The following RBFOX1 variants were observed in gnomAD, a reference collection of about 807,000 sequenced individuals.
RBFOX1 encodes the protein RNA binding protein fox-1 homolog 1.
A neutral mutation model predicts 57.7 loss-of-function variants in RBFOX1; 8 were observed. The observed-to-expected ratio is 0.14, with a 90% CI of 0.08 to 0.25. The LOEUF is 0.25. Among genes scored for constraint, RBFOX1 ranks in the 10% least tolerant of loss-of-function variants. The probability of loss-of-function intolerance (pLI) is 1.00; values close to 1 mark genes in which losing one functional copy is unlikely to be tolerated. For synonymous variants in RBFOX1, 326 were observed against 222.4 expected, an observed-to-expected ratio of 1.47 and a Z score of -4.15; for missense variants, 611 against 548.5, an observed-to-expected ratio of 1.11 and a Z score of -1.14.
chr16:7,687,503 A>G (rs1243387852), intron 14 of RBFOX1, among the ~76,000 whole-genome samples: 1 of 151,848 alleles, frequency 6.6e-6, no homozygotes, highest in African/African-American at 2.4e-5. Context: ...ATGTGAGTCA[A>G]CTCTTTGGTA....
chr16:7,030,514 C>G (rs2042514661), intron 3 of RBFOX1, among the ~76,000 whole-genome samples: 1 of 152,146 alleles, frequency 6.6e-6, no homozygotes, highest in Admixed American at 6.5e-5. Flanking sequence ...TCCAGGCGTT[C>G]CTTGGTTTGT....
At chr16:6,760,560 C>G (rs1230363233) in intron 3 of RBFOX1, among the ~76,000 whole-genome samples, 1 of 152,178 alleles carries the variant, frequency 6.6e-6, no homozygotes, top group Non-Finnish European at 1.5e-5. Context: ...AATTGTTAGT[C>G]TTCTCGACAG....
chr16:6,350,175 G>A (rs1055516981), intron 2 of RBFOX1, among the ~76,000 whole-genome samples: 2 of 151,946 alleles, frequency 1.3e-5, no homozygotes, highest in Non-Finnish European at 2.9e-5. Context: ...GGTGTTTCAC[G>A]CCTGTAATCC....
At chr16:6,895,450 A>G (rs28587278) in intron 3 of RBFOX1, among the ~76,000 whole-genome samples, 4,583 of 38,270 alleles carry the variant, frequency 0.12, 46 homozygotes, top group Non-Finnish European at 0.17. Flanking sequence ...GTGTGTGTGT[A>G]TATATATATA....
chr16:6,513,055 A>T (rs556661350), intron 2 of RBFOX1, among the ~76,000 whole-genome samples: 1 of 152,206 alleles, frequency 6.6e-6, no homozygotes, highest in Admixed American at 6.5e-5. Context: ...ACATCAATCA[A>T]TATGGCACAG....
At chr16:5,612,734 A>G (rs924891472) in intron 3 of RBFOX1, among the ~76,000 whole-genome samples, 12 of 152,218 alleles carry the variant, frequency 7.9e-5, no homozygotes, top group African/African-American at 2.7e-4. Flanking sequence ...AGATAGCCAG[A>G]GTAGCTGGAG....
chr16:7,585,801 C>G (rs1453358558), intron 6 of RBFOX1, among the ~76,000 whole-genome samples: 1 of 152,230 alleles, frequency 6.6e-6, no homozygotes, highest in East Asian at 1.9e-4. Context: ...GTTAGTAGGA[C>G]CCTCTTGACA....
chr16:5,468,558 C>T (rs774204198), intron 2 of RBFOX1, among the ~76,000 whole-genome samples: 4 of 152,288 alleles, frequency 2.6e-5, no homozygotes, highest in Admixed American at 6.5e-5. Flanking sequence ...TACATATATA[C>T]CCCAAATTGC....
intron 4 of RBFOX1, among the ~76,000 whole-genome samples, chr16:7,097,475 T>C (rs1463070362): frequency 1.3e-5 from 2 of 152,076 alleles, no homozygotes; most frequent in African/African-American, 2.4e-5. Flanking sequence ...AGGAGGACAG[T>C]AAGAGAGTGA....
At chr16:6,201,424 G>A (rs2097214436) in intron 1 of RBFOX1, among the ~76,000 whole-genome samples, 1 of 152,134 alleles carries the variant, frequency 6.6e-6, no homozygotes, top group African/African-American at 2.4e-5. Context: ...CTCAACAACA[G>A]CGTATAAGGA....
intron 4 of RBFOX1, among the ~76,000 whole-genome samples, chr16:7,400,047 T>G (rs560947942): frequency 6.6e-5 from 10 of 152,300 alleles, no homozygotes; most frequent in African/African-American, 2.4e-4. Context: ...TCTGATTTAT[T>G]GATGAGAAAA....
intron 3 of RBFOX1, among the ~76,000 whole-genome samples, chr16:5,715,837 G>C (rs1320761958): frequency 1.3e-5 from 2 of 152,192 alleles, no homozygotes; most frequent in Non-Finnish European, 2.9e-5. Flanking sequence ...AGCGAGAGAA[G>C]GGGGTTTAAT....
At chr16:7,297,676 T>C (rs2095926646) in intron 4 of RBFOX1, among the ~76,000 whole-genome samples, 1 of 152,152 alleles carries the variant, frequency 6.6e-6, no homozygotes, top group Non-Finnish European at 1.5e-5. Context: ...CCTGGGGTCT[T>C]TATAATAACA....
intron 4 of RBFOX1, among the ~76,000 whole-genome samples, chr16:7,217,192 C>T (rs2092247868): frequency 6.6e-6 from 1 of 151,320 alleles, no homozygotes; most frequent in African/African-American, 2.4e-5. Flanking sequence ...GCAACCTCCG[C>T]CTTCCGGATT....
chr16:6,579,926 G>A (rs750543935), intron 2 of RBFOX1, among the ~76,000 whole-genome samples: 3 of 151,942 alleles, frequency 2.0e-5, no homozygotes, highest in African/African-American at 7.3e-5. Flanking sequence ...CTATGTATAG[G>A]TTCATGGACC....
At chr16:6,331,568 ATGTG>A (rs200158384) in intron 2 of RBFOX1, among the ~76,000 whole-genome samples, 15 of 145,368 alleles carry the variant, frequency 1.0e-4, no homozygotes, top group Non-Finnish European at 1.8e-4. Context: ...TGTATATAAT[ATGTG>A]TGTGTGTATA....
intron 11 of RBFOX1, among the ~76,000 whole-genome samples, chr16:7,644,525 C>A (rs377431271): frequency 6.6e-6 from 1 of 152,184 alleles, no homozygotes; most frequent in Non-Finnish European, 1.5e-5. Flanking sequence ...GCATCCCTCA[C>A]AGGCCGCTCC....
intron 1 of RBFOX1, among the ~76,000 whole-genome samples, chr16:6,304,578 G>C (rs965935033): frequency 6.6e-6 from 1 of 152,018 alleles, no homozygotes; most frequent in South Asian, 2.1e-4. Flanking sequence ...GAGGGGAGAC[G>C]TTACTTAGAA....
intron 3 of RBFOX1, among the ~76,000 whole-genome samples, chr16:6,828,265 G>T (rs1025739950): frequency 6.6e-6 from 1 of 152,026 alleles, no homozygotes; most frequent in African/African-American, 2.4e-5. Context: ...GTGGCTCACA[G>T]CTGTAATCCC....
Sources: allele counts gnomAD v4.1 joint callset (sites outside exome capture counted in the v4.1 genomes callset), GRCh38; gene constraint gnomAD v4.1.1; transcripts MANE v1.5; gene names NCBI Gene and HGNC (gene_info 2026-07-23, HGNC 2026-07-21).